CYYR1: variants seen among roughly 807,000 people sequenced by gnomAD.
CYYR1 encodes the protein cysteine and tyrosine rich 1, also known as cysteine and tyrosine-rich protein 1.
In CYYR1, 14 loss-of-function variants were observed where a neutral mutation model predicts 15.2. The ratio of observed to expected loss-of-function variants is 0.92; its 90% CI spans 0.61 to 1.44. CYYR1 has a LOEUF of 1.44. Among genes scored for constraint, CYYR1 ranks in the 40% most tolerant of loss-of-function variants. The probability of loss-of-function intolerance (pLI) is 0.00; values close to 1 mark genes in which losing one functional copy is unlikely to be tolerated. For missense variants in CYYR1, 228 were observed against 209.5 expected, an observed-to-expected ratio of 1.09 and a Z score of -0.54; for synonymous variants, 80 against 77.4, an observed-to-expected ratio of 1.03 and a Z score of -0.18.
intron 2 of CYYR1, among the ~76,000 whole-genome samples, chr21:26,486,112 C>T (rs1286461895): frequency 1.3e-5 from 2 of 151,938 alleles, no homozygotes; most frequent in Non-Finnish European, 2.9e-5. Context: ...AGTCTTTTGC[C>T]CATATTCTAA....
intron 3 of CYYR1, among the ~76,000 whole-genome samples, chr21:26,473,415 T>A: frequency 6.6e-6 from 1 of 152,294 alleles, no homozygotes; most frequent in African/African-American, 2.4e-5. Flanking sequence ...TAGTATAACC[T>A]ATTGTTCCCC....
chr21:26,504,814 C>A (rs1457663253), intron 2 of CYYR1, among the ~76,000 whole-genome samples: 2 of 152,120 alleles, frequency 1.3e-5, no homozygotes, highest in African/African-American at 4.8e-5. Context: ...CCCTGACTAC[C>A]CTTCCCAGCC....
chr21:26,492,940 G>T (rs1290625438), intron 2 of CYYR1, among the ~76,000 whole-genome samples: 1 of 148,382 alleles, frequency 6.7e-6, no homozygotes, highest in African/African-American at 2.4e-5. Flanking sequence ...GTGAGAGTGT[G>T]TGTGAGTAGA....
intron 2 of CYYR1, among the ~76,000 whole-genome samples, chr21:26,536,147 C>T (rs1449134099): frequency 6.6e-6 from 1 of 152,054 alleles, no homozygotes; most frequent in African/African-American, 2.4e-5. Flanking sequence ...ACAACTGGAT[C>T]TCATGAGAAC....
intron 2 of CYYR1, among the ~76,000 whole-genome samples, chr21:26,548,697 A>C (rs1315026165): frequency 6.6e-6 from 1 of 152,164 alleles, no homozygotes; most frequent in Non-Finnish European, 1.5e-5. Flanking sequence ...TGGTTAAAGA[A>C]TCTCCTAGTG....
chr21:26,522,579 T>C (rs1252015997), intron 2 of CYYR1, among the ~76,000 whole-genome samples: 1 of 152,212 alleles, frequency 6.6e-6, no homozygotes, highest in Non-Finnish European at 1.5e-5. Flanking sequence ...TTTTACCAAT[T>C]ATAATGTTCC....
chr21:26,472,461 C>CA (rs2065047703), intron 3 of CYYR1, among the ~76,000 whole-genome samples: 1 of 151,902 alleles, frequency 6.6e-6, no homozygotes, highest in African/African-American at 2.4e-5. Flanking sequence ...TAAGGGTATA[C>CA]AAGTACATTA....
At position 26,525,504 on chromosome 21, in the gene CYYR1, A is replaced by G. The variant is rs546414915; in HGVS notation, c.176+40762T>C. 2.6e-5 allele frequency among the ~76,000 whole-genome samples: 4 copies of G among 152,238 alleles called. No homozygotes were observed. The East Asian group carries it at 7.7e-4, about 29-fold the overall frequency. On this transcript the variant is annotated intron_variant, in intron 2 of 3. Coordinates refer to ENST00000652641, the MANE Select transcript of CYYR1 (RefSeq NM_001320768.2). ...GCTGCCCCTGCCGCCTTCCTTCCCCAGAGGCTTCAGCACTATCACCTTTAG... is the reference window on the plus strand; with the variant it reads ...GCTGCCCCTGCCGCCTTCCTTCCCCGGAGGCTTCAGCACTATCACCTTTAG...
intron 2 of CYYR1, among the ~76,000 whole-genome samples, chr21:26,532,326 AG>A (rs1361219824): frequency 6.6e-6 from 1 of 152,164 alleles, no homozygotes; most frequent in Admixed American, 6.6e-5. Context: ...GAAGGACTAA[AG>A]CAGCATGCAT....
intron 2 of CYYR1, among the ~76,000 whole-genome samples, chr21:26,511,475 G>A (rs563173215): frequency 2.0e-5 from 3 of 152,288 alleles, no homozygotes; most frequent in African/African-American, 7.2e-5. Context: ...ACAAATAGAT[G>A]CCCATAGTCA....
At chr21:26,475,164 C>T (rs1472721619) in intron 3 of CYYR1, among the ~76,000 whole-genome samples, 1 of 152,168 alleles carries the variant, frequency 6.6e-6, no homozygotes, top group Non-Finnish European at 1.5e-5. Flanking sequence ...TTTCTTTAGA[C>T]ATTTCACACT....
At chr21:26,521,626 C>T in intron 2 of CYYR1, among the ~76,000 whole-genome samples, 1 of 152,180 alleles carries the variant, frequency 6.6e-6, no homozygotes, top group East Asian at 1.9e-4. Context: ...TGCACTGCTA[C>T]CTCTATTGAA....
rs190758076 is a variant in CYYR1 at position 26,492,616 on chromosome 21, A to G, written c.177-12187T>C. Among the ~76,000 whole-genome samples, 580 of 152,278 alleles carry G rather than the reference A, an allele frequency of 3.8e-3. 3 individuals carry two copies. Among genetic ancestry groups the G allele is most frequent in the African/African-American group, 0.013 (552 of 41,562 alleles). On this transcript the variant is annotated intron_variant, in intron 2 of 3. Coordinates refer to ENST00000652641, the MANE Select transcript of CYYR1 (RefSeq NM_001320768.2). The stretch of plus-strand genomic sequence containing the variant: ...TTCCATTTATCTTTCATCTAAACAT[A>G]TAAGTGGTACCACAAAGTCAGAAAC...
chr21:26,560,675 GA>G (rs1980133675), intron 2 of CYYR1, among the ~76,000 whole-genome samples: 1 of 152,034 alleles, frequency 6.6e-6, no homozygotes, highest in South Asian at 2.1e-4. Flanking sequence ...TTTTAAAACT[GA>G]TCTTAGAATT....
At chr21:26,525,446 G>A (rs749578101) in intron 2 of CYYR1, among the ~76,000 whole-genome samples, 14 of 152,170 alleles carry the variant, frequency 9.2e-5, no homozygotes, top group Non-Finnish European at 1.3e-4. Flanking sequence ...AGGGCCTCCC[G>A]CCTTGAGCTG....
intron 1 of CYYR1, among the ~76,000 whole-genome samples, chr21:26,566,854 C>T (rs1014088239): frequency 1.1e-4 from 16 of 151,810 alleles, no homozygotes; most frequent in African/African-American, 3.9e-4. Flanking sequence ...ACTAAAAATA[C>T]AAAAAGTAGC....
At chr21:26,540,067 C>T (rs2123642166) in intron 2 of CYYR1, among the ~76,000 whole-genome samples, 1 of 152,306 alleles carries the variant, frequency 6.6e-6, no homozygotes, top group Middle Eastern at 3.4e-3. Flanking sequence ...TTCTCAGACT[C>T]TCTCTAGATG....
chr21:26,531,661 T>C (rs763047092), intron 2 of CYYR1, among the ~76,000 whole-genome samples: 7 of 152,128 alleles, frequency 4.6e-5, no homozygotes. Context: ...CCTGTGGAAC[T>C]CTTGAGTCAA....
chr21:26,535,399 G>A (rs2065982184), intron 2 of CYYR1, among the ~76,000 whole-genome samples: 1 of 152,172 alleles, frequency 6.6e-6, no homozygotes, highest in Non-Finnish European at 1.5e-5. Context: ...AGGGCTCATT[G>A]TTGAATGTGG....
Sources: allele counts gnomAD v4.1 joint callset (sites outside exome capture counted in the v4.1 genomes callset), GRCh38; gene constraint gnomAD v4.1.1; transcripts MANE v1.5; gene names NCBI Gene and HGNC (gene_info 2026-07-23, HGNC 2026-07-21).